The following HTR3C variants were observed in gnomAD, a reference collection of about 807,000 sequenced individuals.
The protein encoded by HTR3C is 5-HT3-C.
Under a neutral mutation model 40.5 loss-of-function variants are expected in HTR3C, and 32 were observed. The ratio of observed to expected loss-of-function variants is 0.79; its 90% CI spans 0.60 to 1.06. HTR3C has a LOEUF of 1.06. Among genes scored for constraint, HTR3C ranks in the 50% least tolerant of loss-of-function variants. HTR3C has a pLI of 0.00. For missense variants in HTR3C, 523 were observed against 556.8 expected, an observed-to-expected ratio of 0.94 and a Z score of 0.61; for synonymous variants, 209 against 217.1, an observed-to-expected ratio of 0.96 and a Z score of 0.33.
At position 184,055,305 on chromosome 3, in the gene HTR3C, T is replaced by C; in HGVS notation, c.235-7T>C. On this transcript the variant is annotated splice_region_variant and splice_polypyrimidine_tract_variant and intron_variant, in intron 2 of 8. Transcript: ENST00000318351. ...CTAATAATCCTGAGTGGAAATTTCC[T>C]TGTCAGGATGCACAGCTCCAGCTGC... 1.2e-6 allele frequency: 2 copies of C among 1,603,826 alleles called. No homozygotes were observed. Among genetic ancestry groups the C allele is most frequent in the Non-Finnish European group, 1.7e-6 (2 of 1,170,594 alleles).
chr3:184,053,079 G>T lies in HTR3C; in HGVS notation c.-2G>T. Reference sequence around the variant, plus strand: ...TCCCCAGAGAAGAGTCCAGAAAGAAGAATGGAAGGAGGGTGGCCTGCAAGG... The same window carrying T: ...TCCCCAGAGAAGAGTCCAGAAAGAATAATGGAAGGAGGGTGGCCTGCAAGG... On this transcript the variant is annotated 5_prime_UTR_variant, in exon 1 of 9. Coordinates refer to ENST00000318351, the MANE Select transcript of HTR3C (RefSeq NM_130770.3). 2.5e-6 allele frequency: 4 copies of T among 1,612,886 alleles called. No homozygotes were observed. Among genetic ancestry groups the T allele is most frequent in the Non-Finnish European group, 3.4e-6 (4 of 1,178,966 alleles).
chr3:184,053,964 A>G (rs2108970142), intron 1 of HTR3C, among the ~76,000 whole-genome samples: 1 of 152,312 alleles, frequency 6.6e-6, no homozygotes, highest in Middle Eastern at 3.4e-3. Flanking sequence ...CATGTCGGCC[A>G]GGATGGTCTC....
chr3:184,056,342 A>G, intron 4 of HTR3C, 56 bp downstream of exon 4: 1 of 1,232,724 alleles, frequency 8.1e-7, no homozygotes. Context: ...AGAACAGCCT[A>G]GGGTCAGCAC....
chr3:184,053,435 C>T (rs73052466), intron 1 of HTR3C, among the ~76,000 whole-genome samples: 2 of 152,296 alleles, frequency 1.3e-5, no homozygotes, highest in Non-Finnish European at 2.9e-5. Flanking sequence ...ACCCTTCTTC[C>T]CCCTCTCCTT....
chr3:184,054,886 T>A lies in HTR3C; in HGVS notation c.233T>A (p.Val78Glu). 2 of 1,600,106 alleles carry A rather than the reference T, an allele frequency of 1.2e-6. No homozygotes were observed. The stretch of plus-strand genomic sequence containing the variant: ...TTCACCCTGTCTGCCATCCTGGGAG[T>A]GGTGAGACTTAGTCCCTGCATCTTT... ...ISFTLSAILGVDAQLQLLTSF... is the reference protein window; with the variant it reads ...ISFTLSAILGEDAQLQLLTSF... The change falls in exon 2 of 9, where the codon GTG becomes GAG. Residue 78 changes from valine (V) to glutamate (E), a missense_variant and splice_region_variant. Coordinates refer to ENST00000318351, the MANE Select transcript of HTR3C (RefSeq NM_130770.3).
chr3:184,060,085 G>T (rs1167941556), intron 8 of HTR3C, 42 bp downstream of exon 8: 1 of 1,603,752 alleles, frequency 6.2e-7, no homozygotes, highest in Non-Finnish European at 8.5e-7. Flanking sequence ...CTTCACACTG[G>T]GCCCAGCACT....
At chr3:184,059,661 A>G (rs1043774742) in intron 7 of HTR3C, 21 bp downstream of exon 7, 2 of 1,612,704 alleles carry the variant, frequency 1.2e-6, no homozygotes, top group African/African-American at 2.7e-5. Context: ...TCCCACTTTC[A>G]GGAGGAGAAA....
In HTR3C at chr3:184,053,116, C is replaced by T. The variant is rs569763561; in HGVS notation, c.36C>T (p.Leu12=). ...EGGWPARQSA[L]LCLTVSLLLQ... ...GGTGGCCTGCAAGGCAGAGTGCCCTCCTCTGCCTCACTGTCAGTCTTCTGC... is the reference window on the plus strand; with the variant it reads ...GGTGGCCTGCAAGGCAGAGTGCCCTTCTCTGCCTCACTGTCAGTCTTCTGC... The change falls in exon 1 of 9, where the codon CTC becomes CTT. Residue 12 remains leucine, a synonymous_variant. Transcript: ENST00000318351. The T allele has an allele frequency of 8.7e-6, 14 of 1,613,882 alleles. No individual in the cohort carries two copies. The South Asian group carries it at 1.4e-4, about 16-fold the overall frequency.
rs1723411115 is a variant in HTR3C, at chr3:184,059,941, C to T, written c.1039C>T (p.Leu347Phe). ...TTQPPPMPRW[L>F]HSLLLHCTSP... Reference sequence around the variant, plus strand: ...CCAGCCCCCACCCATGCCTAGGTGGCTTCACTCCCTGCTGCTCCACTGCAC... The same window carrying T: ...CCAGCCCCCACCCATGCCTAGGTGGTTTCACTCCCTGCTGCTCCACTGCAC... Residue 347 changes from leucine (L) to phenylalanine (F), a missense_variant, in exon 8 of 9, where the codon CTT becomes TTT. Transcript: ENST00000318351. 2 of 1,613,836 alleles carry T rather than the reference C, an allele frequency of 1.2e-6. No individual in the cohort carries two copies. Among genetic ancestry groups the T allele is most frequent in the South Asian group, 2.2e-5 (2 of 91,064 alleles).
rs1274318134 is a variant in HTR3C at position 184,054,831 on chromosome 3, T to C, written c.178T>C (p.Tyr60His). The C allele has an allele frequency of 3.1e-6, 5 of 1,613,888 alleles. No homozygotes were observed. Among genetic ancestry groups the C allele is most frequent in the South Asian group, 1.1e-5 (1 of 91,054 alleles). The change falls in exon 2 of 9, where the codon TAC becomes CAC. Residue 60 changes from tyrosine to histidine, a missense_variant. By Grantham distance (83) the Tyr-to-His change is moderately conservative. Coordinates refer to ENST00000318351, the MANE Select transcript of HTR3C (RefSeq NM_130770.3). ...DRKAFRPFTN[Y>H]SIPTRVNISF... ...AAAGGCCTTCCGTCCATTCACCAAC[T>C]ACAGCATCCCTACCCGTGTCAACAT...
At chr3:184,053,821 C>G (rs1347044654) in intron 1 of HTR3C, among the ~76,000 whole-genome samples, 2 of 152,118 alleles carry the variant, frequency 1.3e-5, no homozygotes, top group African/African-American at 2.4e-5. Context: ...GTGGCACGAT[C>G]TTGGCTCACT....
At chr3:184,059,297 C>G (rs2108973024) in intron 6 of HTR3C, 139 bp from the exon 7 acceptor site, 2 of 706,112 alleles carry the variant, frequency 2.8e-6, no homozygotes, top group Middle Eastern at 7.8e-4. Context: ...TGTAGGCGAG[C>G]ACAATTATAT....
intron 1 of HTR3C, among the ~76,000 whole-genome samples, chr3:184,054,338 G>A (rs1223595867): frequency 1.3e-5 from 2 of 152,064 alleles, no homozygotes; most frequent in Non-Finnish European, 2.9e-5. Context: ...CATTAGCATC[G>A]ATTTTTAGGT....
intron 2 of HTR3C, 133 bp downstream of exon 2, chr3:184,055,020 GC>G (rs1723296573): frequency 3.4e-6 from 3 of 891,348 alleles, no homozygotes; most frequent in African/African-American, 3.4e-5. Context: ...CAAGTTAGAT[GC>G]TTTTCCTATG....
At chr3:184,055,045 C>T (rs960032558) in intron 2 of HTR3C, among the ~76,000 whole-genome samples, 158 bp downstream of exon 2, 12 of 152,124 alleles carry the variant, frequency 7.9e-5, no homozygotes, top group African/African-American at 2.7e-4. Flanking sequence ...TGGAGAGGCA[C>T]GAAGAAGAAT....
At chr3:184,054,281 T>C (rs1157496042) in intron 1 of HTR3C, among the ~76,000 whole-genome samples, 1 of 152,172 alleles carries the variant, frequency 6.6e-6, no homozygotes, top group African/African-American at 2.4e-5. Flanking sequence ...ATAAATCAGT[T>C]CTTGCCTTCA....
At position 184,059,868 on chromosome 3, in the gene HTR3C, C is replaced by G. The variant is rs181659560; in HGVS notation, c.966C>G (p.Ser322Arg). Residue 322 changes from serine to arginine, a missense_variant, in exon 8 of 9, where the codon AGC (serine) becomes AGG (arginine). Transcript: ENST00000318351. ...TGTGCCTGTCCCTGATGGTGGTCAG[C>G]CTGCTGGAGACCGTCTTCATTACCT... ...FALCLSLMVVSLLETVFITYL... is the reference protein window; with the variant it reads ...FALCLSLMVVRLLETVFITYL... 3 of 1,614,044 alleles carry G rather than the reference C, an allele frequency of 1.9e-6. No individual in the cohort carries two copies. In the African/African-American group the frequency reaches 4.0e-5, roughly 22 times the overall value.
chr3:184,058,865 T>C (rs928229088), intron 6 of HTR3C, among the ~76,000 whole-genome samples: 14 of 148,960 alleles, frequency 9.4e-5, no homozygotes, highest in African/African-American at 3.5e-4. Context: ...ACTCGGGAGG[T>C]TGAGACAGGA....
chr3:184,060,125 G>C, intron 8 of HTR3C, 25 bp from the exon 9 acceptor site: 1 of 1,609,856 alleles, frequency 6.2e-7, no homozygotes, highest in African/African-American at 1.3e-5. Flanking sequence ...CCCACTCCAT[G>C]ACTGAGCCTC....
Sources: allele counts gnomAD v4.1 joint callset (sites outside exome capture counted in the v4.1 genomes callset), GRCh38; gene constraint gnomAD v4.1.1; transcripts MANE v1.5; gene names NCBI Gene and HGNC (gene_info 2026-07-23, HGNC 2026-07-21).